The following LRP6 variants were observed in gnomAD, a reference collection of about 807,000 sequenced individuals.
LRP6 encodes the protein LDL receptor related protein 6.
A neutral mutation model predicts 184.1 loss-of-function variants in LRP6; 43 were observed. The ratio of observed to expected loss-of-function variants is 0.23; its 90% CI spans 0.18 to 0.30. The LOEUF is 0.30. Ranked by LOEUF, LRP6 falls within the 10% of genes least tolerant of loss-of-function variation. The pLI is 1.00. For missense variants in LRP6, 1,571 were observed against 2,005.3 expected (o/e 0.78, Z 4.14); for synonymous variants, 719 against 684.9 (o/e 1.05, Z -0.78).
intron 1 of LRP6, among the ~76,000 whole-genome samples, chr12:12,245,412 C>T (rs1031562808): frequency 2.0e-5 from 3 of 151,942 alleles, no homozygotes; most frequent in Non-Finnish European, 4.4e-5. Flanking sequence ...ATGGCTGTCT[C>T]AAAATAGGGA....
Position 12,232,250 on chromosome 12 carries a change from G to C in LRP6, c.449+12012C>G, listed in dbSNP as rs1239084678. 3.9e-5 allele frequency among the ~76,000 whole-genome samples: 6 copies of C among 151,972 alleles called. No homozygotes were observed. In the East Asian group the frequency reaches 9.7e-4, roughly 25 times the overall value. On this transcript the variant is annotated intron_variant, in intron 2 of 22. Transcript: ENST00000261349. ...ATACAAAAAATTAGCCGGGCATGGT[G>C]GCGGGTGCCTGTAGTCCCAGGTTAT...
In LRP6 at chr12:12,198,742, A is replaced by C. The variant is rs554826177; in HGVS notation, c.647+4461T>G. 1.6e-4 allele frequency among the ~76,000 whole-genome samples: 24 copies of C among 151,774 alleles called. 1 individual carries two copies. The South Asian group carries it at 3.8e-3, about 24-fold the overall frequency. On this transcript the variant is annotated intron_variant, in intron 3 of 22. Coordinates refer to ENST00000261349, the MANE Select transcript of LRP6 (RefSeq NM_002336.3). ...AGAGACGGGGTTTCACCATGTTGGC[A>C]AGGCTGGTCTCGAACTCCTGACCTC... is the stretch of plus-strand genomic sequence containing the variant.
intron 1 of LRP6, among the ~76,000 whole-genome samples, chr12:12,259,805 C>T (rs765357844): frequency 5.3e-5 from 8 of 152,122 alleles, no homozygotes; most frequent in Non-Finnish European, 1.2e-4. Context: ...GTGTTTTATT[C>T]ACTGAAGTGA....
At chr12:12,121,498 A>G (rs540919172) in intron 22 of LRP6, 78 bp from the exon 23 acceptor site, 1 of 1,301,120 alleles carries the variant, frequency 7.7e-7, no homozygotes, top group South Asian at 1.2e-5. Context: ...TAGAGGTATT[A>G]GATGTCAACT....
chr12:12,202,734 A>G (rs1461832802), intron 3 of LRP6, among the ~76,000 whole-genome samples: 2 of 152,204 alleles, frequency 1.3e-5, no homozygotes. Flanking sequence ...GAGTTTTATC[A>G]AAGTTCCATT....
chr12:12,198,859 T>C (rs1179128640), intron 3 of LRP6, among the ~76,000 whole-genome samples: 3 of 151,306 alleles, frequency 2.0e-5, no homozygotes, highest in Non-Finnish European at 4.4e-5. Context: ...TCCTTTCACA[T>C]GTCATATTGG....
intron 2 of LRP6, among the ~76,000 whole-genome samples, chr12:12,210,029 T>A (rs958005623): frequency 6.6e-6 from 1 of 152,180 alleles, no homozygotes; most frequent in African/African-American, 2.4e-5. Flanking sequence ...TATGAAGTCA[T>A]GATATATTCA....
At chr12:12,171,578 T>G (rs1192510919) in intron 7 of LRP6, among the ~76,000 whole-genome samples, 1 of 151,792 alleles carries the variant, frequency 6.6e-6, no homozygotes, top group East Asian at 1.9e-4. Context: ...TAAACGCTAT[T>G]ATCATTTTTG....
At chr12:12,187,184 C>A (rs995826828) in intron 3 of LRP6, 65 bp from the exon 4 acceptor site, 45 of 1,330,512 alleles carry the variant, frequency 3.4e-5, no homozygotes, top group Non-Finnish European at 4.8e-5. Flanking sequence ...ATAACGTCAC[C>A]TCTCCCATTA....
intron 2 of LRP6, among the ~76,000 whole-genome samples, chr12:12,234,113 C>T (rs1158247206): frequency 2.6e-5 from 4 of 152,076 alleles, no homozygotes; most frequent in Non-Finnish European, 5.9e-5. Context: ...CATGGAGAAA[C>T]TCCGTCTCTA....
intron 3 of LRP6, among the ~76,000 whole-genome samples, chr12:12,191,312 TG>T (rs1385080345): frequency 6.6e-6 from 1 of 152,176 alleles, no homozygotes; most frequent in Non-Finnish European, 1.5e-5. Context: ...TGTGCATGAT[TG>T]GTACAGGAGA....
chr12:12,246,525 T>G (rs535867424), intron 1 of LRP6, among the ~76,000 whole-genome samples: 2 of 151,742 alleles, frequency 1.3e-5, no homozygotes, highest in African/African-American at 4.8e-5. Context: ...ACCCCATCTC[T>G]ACAAAAAAAT....
In LRP6 at chr12:12,202,481, T is replaced by C. The variant is rs537744246; in HGVS notation, c.647+722A>G. 2.0e-5 allele frequency among the ~76,000 whole-genome samples: 3 copies of C among 152,336 alleles called. No individual in the cohort carries two copies. In the East Asian group the frequency reaches 5.8e-4, roughly 29 times the overall value. ...TCGCTTGAGCCCAGGAGACAGAGGT[T>C]GCAGTGAGCTGAGATCACGCTACTG... On this transcript the variant is annotated intron_variant, in intron 3 of 22. Transcript: ENST00000261349.
chr12:12,160,033 G>A (rs1862702790), intron 10 of LRP6, 69 bp from the exon 11 acceptor site: 3 of 1,110,954 alleles, frequency 2.7e-6, no homozygotes, highest in East Asian at 5.2e-5. Context: ...TCATATTCAT[G>A]CAAAGTAACT....
intron 1 of LRP6, among the ~76,000 whole-genome samples, chr12:12,249,671 AGAAGGAAGGAAGGAAGGAAG>A (rs3053796): frequency 0.27 from 38,080 of 141,470 alleles, 6,301 homozygotes; most frequent in East Asian, 0.58. Flanking sequence ...GTGCTATAAC[AGAAGGAAGGAAGGAAGGAAG>A]GAAGGAAGGA....
At chr12:12,153,034 T>C (rs1421536278) in intron 12 of LRP6, among the ~76,000 whole-genome samples, 2 of 152,234 alleles carry the variant, frequency 1.3e-5, no homozygotes, top group Non-Finnish European at 2.9e-5. Context: ...TACTAATACA[T>C]TGATTTAACA....
At chr12:12,225,096 T>A (rs1223597897) in intron 2 of LRP6, among the ~76,000 whole-genome samples, 1 of 152,002 alleles carries the variant, frequency 6.6e-6, no homozygotes, top group Non-Finnish European at 1.5e-5. Context: ...TCCCAGCTAC[T>A]TGGGAGGCTG....
At chr12:12,167,554 A>T (rs1231746539) in intron 7 of LRP6, among the ~76,000 whole-genome samples, 1 of 151,878 alleles carries the variant, frequency 6.6e-6, no homozygotes, top group Non-Finnish European at 1.5e-5. Context: ...GAGGCAGGAG[A>T]ATCGCTTGAA....
At chr12:12,216,056 A>G (rs1258259299) in intron 2 of LRP6, among the ~76,000 whole-genome samples, 1 of 152,146 alleles carries the variant, frequency 6.6e-6, no homozygotes, top group Non-Finnish European at 1.5e-5. Context: ...AGACTAATGT[A>G]TCTGCCTAAT....
Sources: allele counts gnomAD v4.1 joint callset (sites outside exome capture counted in the v4.1 genomes callset), GRCh38; gene constraint gnomAD v4.1.1; transcripts MANE v1.5; gene names NCBI Gene and HGNC (gene_info 2026-07-23, HGNC 2026-07-21).